Variants in ELP2 observed in about 807,000 individuals in gnomAD.
ELP2 encodes elongator acetyltransferase complex subunit 2, also known as elongator complex protein 2.
ELP2 carries 90 observed loss-of-function variants against 119.2 expected under a neutral mutation model. The ratio of observed to expected loss-of-function variants is 0.75; its 90% CI spans 0.64 to 0.90. The LOEUF (loss-of-function observed/expected upper bound fraction) is 0.90, where lower values mean the gene tolerates loss of function less well. Ranked by LOEUF, ELP2 falls within the 40% of genes least tolerant of loss-of-function variation. ELP2 has a pLI of 0.00. For missense variants in ELP2, 921 were observed against 967.8 expected (o/e 0.95, Z 0.64); for synonymous variants, 339 against 331.0 (o/e 1.02, Z -0.26).
chr18:36,138,989 CAA>C (rs2089929192), intron 5 of ELP2, 117 bp downstream of exon 5: 1 of 815,948 alleles, frequency 1.2e-6, no homozygotes, highest in African/African-American at 1.7e-5. Flanking sequence ...TTCTATGAAA[CAA>C]GATGTGAATA....
In ELP2 at chr18:36,146,271, G is replaced by A; in HGVS notation, c.1015G>A (p.Gly339Arg). Residue 339 changes from glycine (G) to arginine (R), a missense_variant, in exon 11 of 22, where the codon GGG becomes AGG. Transcript: ENST00000358232. ...LEQVRVGEVG[G>R]NTLGFYDCQF... ...ACAGGTTCGAGTAGGTGAAGTAGGT[G>A]GGAATACTTTGGGATTTTATGATTG... 2 of 1,614,038 alleles carry A rather than the reference G, an allele frequency of 1.2e-6. No individual in the cohort carries two copies. The highest frequency in any genetic ancestry group is 1.7e-6 in the Non-Finnish European group (2 of 1,179,950).
In ELP2 at chr18:36,146,014, C is replaced by A; in HGVS notation, c.959C>A (p.Ala320Asp). ...ATGGATAAAACCATGATTCTCTGGG[C>A]TCCAGATGAAGAGTCAGGAGTTTGG... is the stretch of plus-strand genomic sequence containing the variant. ...ASMDKTMILWAPDEESGVWLE... is the reference protein window; with the variant it reads ...ASMDKTMILWDPDEESGVWLE... Residue 320 changes from alanine to aspartate, a missense_variant, in exon 10 of 22, where the codon GCT becomes GAT. Coordinates refer to ENST00000358232, the MANE Select transcript of ELP2 (RefSeq NM_018255.4). 2 of 1,613,934 alleles carry A rather than the reference C, an allele frequency of 1.2e-6. No homozygotes were observed. The highest frequency in any genetic ancestry group is 1.3e-5 in the African/African-American group (1 of 75,002).
chr18:36,132,160 A>G (rs1033705467), intron 1 of ELP2, among the ~76,000 whole-genome samples: 1 of 152,138 alleles, frequency 6.6e-6, no homozygotes, highest in African/African-American at 2.4e-5. Flanking sequence ...TGCTGGGATT[A>G]AAGGCATGAG....
rs60477950 is a variant in ELP2 at position 36,166,319 on chromosome 18, GTTTTTTTTTTTTTT to G, written c.1955-767_1955-754del. Reference sequence around the variant, plus strand: ...AGTTATGTGGTTTTTGTTTTTTAGGGTTTTTTTTTTTTTTTTTTTTTTTTTTTTCAGACGGAGTT... The same window carrying G: ...AGTTATGTGGTTTTTGTTTTTTAGGGTTTTTTTTTTTTTTCAGACGGAGTT... On this transcript the variant is annotated intron_variant, in intron 18 of 21. Transcript: ENST00000358232. Among the ~76,000 whole-genome samples the G allele has an allele frequency of 3.2e-4, 23 of 71,692 alleles. No homozygotes were observed. In the East Asian group the frequency reaches 9.5e-3, roughly 30 times the overall value. 47.0% of individuals were successfully genotyped at this position (71,692 alleles called of 152,430 possible).
Position 36,174,690 on chromosome 18 carries a change from T to C in ELP2, c.*49T>C, listed in dbSNP as rs764841112. ...CAGTCACTGGTATCTTAAAATATTA[T>C]CATGTAAACAGGTCATCTTTACCTT... On this transcript the variant is annotated 3_prime_UTR_variant, in exon 22 of 22. Transcript: ENST00000358232. The C allele has an allele frequency of 1.1e-5, 18 of 1,580,030 alleles. No individual in the cohort carries two copies. The East Asian group carries it at 2.5e-4, about 22-fold the overall frequency.
rs989700623 is a variant in ELP2 at position 36,156,323 on chromosome 18, C to T, written c.1276-143C>T. ...TGGCTCTTGGTAATTTTTACCAATA[C>T]TGCCCAGTTGTGGTTTATTCATGGA... On this transcript the variant is annotated intron_variant, in intron 12 of 21. Coordinates refer to ENST00000358232, the MANE Select transcript of ELP2 (RefSeq NM_018255.4). 7.4e-6 allele frequency: 6 copies of T among 806,214 alleles called. No individual in the cohort carries two copies. The African/African-American group carries it at 8.6e-5, about 12-fold the overall frequency. 49.9% of individuals were successfully genotyped at this position (806,214 alleles called of 1,614,324 possible).
intron 11 of ELP2, among the ~76,000 whole-genome samples, chr18:36,149,231 T>A (rs765559410): frequency 1.3e-5 from 2 of 152,182 alleles, no homozygotes; most frequent in Non-Finnish European, 2.9e-5. Flanking sequence ...GAATTGCCAT[T>A]GTGTTGATCT....
At chr18:36,134,176 T>A (rs1430909831) in intron 2 of ELP2, among the ~76,000 whole-genome samples, 1 of 152,102 alleles carries the variant, frequency 6.6e-6, no homozygotes, top group African/African-American at 2.4e-5. Flanking sequence ...TGACCCTAGT[T>A]TGCACCTTAA....
rs1005332963 is a variant in ELP2 at position 36,179,840 on chromosome 18, G to A, written c.*5199G>A. 1.3e-5 allele frequency: 2 copies of A among 152,170 alleles called. No homozygotes were observed. Among genetic ancestry groups the A allele is most frequent in the African/African-American group, 4.8e-5 (2 of 41,416 alleles). 9.4% of individuals were successfully genotyped at this position (152,170 alleles called of 1,614,324 possible). On this transcript the variant is annotated 3_prime_UTR_variant, in exon 22 of 22. Transcript: ENST00000358232. The stretch of plus-strand genomic sequence containing the variant: ...TCTAGGTATTTCATAGGGCAGTCTA[G>A]GTGAGGGTTGGAACCCCAATGAGTT...
chr18:36,161,021 T>C lies in ELP2; in HGVS notation c.1761+17T>C. 1 of 1,595,746 alleles carries C rather than the reference T, an allele frequency of 6.3e-7. No homozygotes were observed. ...GCTTGTAAGGTAGGGAAGTTTACTTTTGATTCTGCTTGGTCACAGGTTATT... is the reference window on the plus strand; with the variant it reads ...GCTTGTAAGGTAGGGAAGTTTACTTCTGATTCTGCTTGGTCACAGGTTATT... On this transcript the variant is annotated intron_variant, in intron 17 of 21. Transcript: ENST00000358232.
At chr18:36,162,988 A>G (rs1043883703) in intron 17 of ELP2, among the ~76,000 whole-genome samples, 4 of 151,814 alleles carry the variant, frequency 2.6e-5, no homozygotes, top group South Asian at 2.1e-4. Context: ...GTCTTGTTGA[A>G]CTCTGGATTT....
rs780551947 is a variant in ELP2, at chr18:36,167,181, C to T, written c.2035C>T (p.Pro679Ser). 7.5e-6 allele frequency: 12 copies of T among 1,596,540 alleles called. No individual in the cohort carries two copies. The highest frequency in any genetic ancestry group is 1.0e-5 in the Non-Finnish European group (12 of 1,170,544). The change falls in exon 19 of 22, where the codon CCT becomes TCT. Residue 679 changes from proline (P) to serine (S), a missense_variant. Physicochemically the swap from Pro to Ser is moderately conservative, Grantham distance 74. Coordinates refer to ENST00000358232, the MANE Select transcript of ELP2 (RefSeq NM_018255.4). ...SRIIWSCDWS[P>S]DSKYFFTGSR... ...AATTATTTGGTCTTGTGATTGGAGT[C>T]CTGACAGCAAGTATTTCTTCACTGG...
intron 19 of ELP2, among the ~76,000 whole-genome samples, chr18:36,168,326 G>T (rs1045637424): frequency 6.6e-6 from 1 of 152,196 alleles, no homozygotes; most frequent in Non-Finnish European, 1.5e-5. Context: ...TGCTGAGGAA[G>T]AAGGACTGCT....
chr18:36,165,428 C>T (rs1043634114), intron 18 of ELP2, among the ~76,000 whole-genome samples: 9 of 152,166 alleles, frequency 5.9e-5, no homozygotes, highest in African/African-American at 1.9e-4. Context: ...ATTGATAAGA[C>T]TCGCATACAG....
rs1033751151 is a variant in ELP2 at position 36,175,477 on chromosome 18, C to G, written c.*836C>G. The G allele has an allele frequency of 1.3e-5, 2 of 152,146 alleles. No homozygotes were observed. Among genetic ancestry groups the G allele is most frequent in the Admixed American group, 1.3e-4 (2 of 15,274 alleles). The allele number at this position is 152,146 out of a possible 1,614,324, so 9.4% of individuals were successfully genotyped here. A position where few individuals can be genotyped will look rare whatever the true frequency, so the allele number is the denominator to read the frequency against. ...TCATTTCTTTTATTCTTTAAAAGTA[C>G]ATAGATTTGTCTTTTTAGGGCTTTA... On this transcript the variant is annotated 3_prime_UTR_variant, in exon 22 of 22. Transcript: ENST00000358232.
intron 17 of ELP2, 115 bp from the exon 18 acceptor site, chr18:36,164,360 G>T (rs1321281892): frequency 3.1e-6 from 3 of 976,694 alleles, no homozygotes; most frequent in Non-Finnish European, 4.7e-6. Context: ...AATTTTTTTT[G>T]GAATTCAAAC....
chr18:36,139,108 A>G (rs1043355621), intron 5 of ELP2, among the ~76,000 whole-genome samples: 17 of 152,172 alleles, frequency 1.1e-4, no homozygotes, highest in Admixed American at 7.9e-4. Flanking sequence ...CTTACTGTGT[A>G]CCCAAGATTG....
In ELP2 at chr18:36,179,549, C is replaced by T. The variant is rs928551330; in HGVS notation, c.*4908C>T. 1 of 150,946 alleles carries T rather than the reference C, an allele frequency of 6.6e-6. No individual in the cohort carries two copies. The highest frequency in any genetic ancestry group is 2.4e-5 in the African/African-American group (1 of 40,986). The allele number at this position is 150,946 out of a possible 1,614,324, so 9.4% of individuals were successfully genotyped here. On this transcript the variant is annotated 3_prime_UTR_variant, in exon 22 of 22. Transcript: ENST00000358232. Reference sequence around the variant, plus strand: ...AGACACCAGAGTGAAGGAGAGAGGCCATGCTGTGTCCGAGAAGCTCCTACT... The same window carrying T: ...AGACACCAGAGTGAAGGAGAGAGGCTATGCTGTGTCCGAGAAGCTCCTACT...
rs531877552 is a variant in ELP2 at position 36,158,974 on chromosome 18, T to C, written c.1534+70T>C. On this transcript the variant is annotated intron_variant, in intron 14 of 21. Transcript: ENST00000358232. ...AAACCCCAGTCATACACTTGTGTAA[T>C]GTCTACCTAATGTTTGTTACAGCTG... is the stretch of plus-strand genomic sequence containing the variant. The C allele has an allele frequency of 1.5e-4, 155 of 1,052,246 alleles. 1 individual carries two copies. The Admixed American group carries it at 1.9e-3, about 13-fold the overall frequency. 65.2% of individuals were successfully genotyped at this position (1,052,246 alleles called of 1,614,324 possible). A position where few individuals can be genotyped will look rare whatever the true frequency, so the allele number is the denominator to read the frequency against.
Sources: allele counts gnomAD v4.1 joint callset (sites outside exome capture counted in the v4.1 genomes callset), GRCh38; gene constraint gnomAD v4.1.1; transcripts MANE v1.5; gene names NCBI Gene and HGNC (gene_info 2026-07-23, HGNC 2026-07-21).